NID2: variants seen among roughly 807,000 people sequenced by gnomAD.
NID2 encodes nidogen 2, also known as nidogen-2.
NID2 carries 83 observed loss-of-function variants against 145.4 expected under a neutral mutation model. That is an observed-to-expected ratio of 0.57 (90% CI 0.48 to 0.69). The LOEUF is 0.69. Among genes scored for constraint, NID2 ranks in the 30% least tolerant of loss-of-function variants. The pLI, the probability that NID2 is intolerant of heterozygous loss-of-function variation, is 0.00. For missense variants in NID2, 1,807 were observed against 1,765.7 expected (o/e 1.02, Z -0.42); for synonymous variants, 739 against 701.3 (o/e 1.05, Z -0.85).
chr14:52,068,173 G>A lies in NID2; in HGVS notation c.229-10C>T. 2 of 1,612,118 alleles carry A rather than the reference G, an allele frequency of 1.2e-6. No individual in the cohort carries two copies. Among genetic ancestry groups the A allele is most frequent in the Non-Finnish European group, 1.7e-6 (2 of 1,179,392 alleles). ...TGCCGTTGGTGCCCACCTGGGAGAG[G>A]AGAGGGACAAAAAGGTGACAGTCGC... On this transcript the variant is annotated splice_polypyrimidine_tract_variant and intron_variant, in intron 1 of 21. Transcript: ENST00000216286.
intron 5 of NID2, among the ~76,000 whole-genome samples, chr14:52,045,244 A>G (rs74049380): frequency 0.044 from 6,752 of 152,290 alleles, 180 homozygotes; most frequent in Middle Eastern, 0.078. Flanking sequence ...GTTGAAAAAC[A>G]GCACAGGTAA....
Position 52,015,358 on chromosome 14 carries a change from T to C in NID2, c.3029-83A>G, listed in dbSNP as rs1463914760. On this transcript the variant is annotated intron_variant, in intron 14 of 21. Coordinates refer to ENST00000216286, the MANE Select transcript of NID2 (RefSeq NM_007361.4). ...ATGCAAAATGTAGCTCAAGACCCCA[T>C]GCCTGGCCTCCTGGCCTTCCTTCTC... is the stretch of plus-strand genomic sequence containing the variant. 4 of 1,324,008 alleles carry C rather than the reference T, an allele frequency of 3.0e-6. No individual in the cohort carries two copies. The African/African-American group carries it at 5.9e-5, about 19-fold the overall frequency. 82.0% of individuals were successfully genotyped at this position (1,324,008 alleles called of 1,614,324 possible). A position where few individuals can be genotyped will look rare whatever the true frequency, so the allele number is the denominator to read the frequency against.
chr14:52,037,537 C>T (rs150571729), intron 9 of NID2, among the ~76,000 whole-genome samples: 5 of 152,266 alleles, frequency 3.3e-5, no homozygotes, highest in East Asian at 1.9e-4. Flanking sequence ...TGTATCCTTA[C>T]GCCAGGACCA....
chr14:52,039,633 T>A (rs980226527), intron 8 of NID2, among the ~76,000 whole-genome samples: 7 of 152,122 alleles, frequency 4.6e-5, no homozygotes, highest in Non-Finnish European at 8.8e-5. Flanking sequence ...GCTCTCAGCA[T>A]AGGAGCAGCA....
At position 52,053,586 on chromosome 14, in the gene NID2, G is replaced by A. The variant is rs1386608302; in HGVS notation, c.1422C>T (p.Asn474=). Residue 474 remains asparagine, a synonymous_variant, in exon 5 of 22, where the codon AAC becomes AAT. Transcript: ENST00000216286. ...GTTTTCTAATGCACTCACCCTCGGT[G>A]TTGGAACCTATGTTGTCTTCCAGTC... ...EVGLEDNIGS[N]TEVFTYNAAN... The A allele has an allele frequency of 1.2e-6, 2 of 1,613,122 alleles. No homozygotes were observed.
Position 52,014,155 on chromosome 14 carries a change from C to T in NID2, c.3420+132G>A, listed in dbSNP as rs545302965. 4.1e-5 allele frequency: 48 copies of T among 1,166,404 alleles called. No individual in the cohort carries two copies. The East Asian group carries it at 1.1e-3, about 27-fold the overall frequency. The allele number at this position is 1,166,404 out of a possible 1,614,324, so 72.3% of individuals were successfully genotyped here. A position where few individuals can be genotyped will look rare whatever the true frequency, so the allele number is the denominator to read the frequency against. On this transcript the variant is annotated intron_variant, in intron 16 of 21. Transcript: ENST00000216286. ...CTATGGTGGTGGCATCGGGCCCATG[C>T]CGATGGGCTGCAGCTCAGAAACCCT... is the stretch of plus-strand genomic sequence containing the variant.
intron 9 of NID2, among the ~76,000 whole-genome samples, chr14:52,034,665 T>C (rs1192696518): frequency 6.6e-6 from 1 of 152,216 alleles, no homozygotes; most frequent in Non-Finnish European, 1.5e-5. Context: ...CACTTCTTTA[T>C]TGAGCCTGCT....
chr14:52,014,565 T>A, intron 15 of NID2, 109 bp from the exon 16 acceptor site: 1 of 1,160,286 alleles, frequency 8.6e-7, no homozygotes, highest in Non-Finnish European at 1.2e-6. Context: ...TCAAAAGTTC[T>A]TCGCCCTACG....
intron 5 of NID2, among the ~76,000 whole-genome samples, chr14:52,045,377 C>A (rs1892450952): frequency 6.6e-6 from 1 of 152,030 alleles, no homozygotes; most frequent in African/African-American, 2.4e-5. Context: ...AGTGGAAAAT[C>A]TGATTAGAAC....
chr14:52,053,495 C>G (rs1418258263), intron 5 of NID2, 84 bp downstream of exon 5: 1 of 1,418,070 alleles, frequency 7.1e-7, no homozygotes, highest in Non-Finnish European at 9.6e-7. Flanking sequence ...TTTCACCTAC[C>G]CACTTAAGAG....
chr14:52,061,162 C>A (rs751835491), intron 2 of NID2, among the ~76,000 whole-genome samples: 2 of 152,190 alleles, frequency 1.3e-5, no homozygotes, highest in Non-Finnish European at 2.9e-5. Flanking sequence ...TGTACCATGT[C>A]CTTGGATGCT....
At chr14:52,015,006 A>C in intron 15 of NID2, 48 bp downstream of exon 15, 4 of 1,458,238 alleles carry the variant, frequency 2.7e-6, no homozygotes, top group Non-Finnish European at 2.8e-6. Flanking sequence ...CATCCCTAGC[A>C]AAGGCCTTAG....
At chr14:52,006,921 CAT>C in intron 19 of NID2, 1 of 270,802 alleles carries the variant, frequency 3.7e-6, no homozygotes, top group Middle Eastern at 1.2e-3. Flanking sequence ...GGGCATTAAA[CAT>C]AATTATTTTT....
chr14:52,041,320 C>T (rs897161327), intron 7 of NID2, among the ~76,000 whole-genome samples: 6 of 152,214 alleles, frequency 3.9e-5, no homozygotes, highest in African/African-American at 1.2e-4. Flanking sequence ...TCCAGGTGTG[C>T]CATTTTTTAT....
chr14:52,060,840 G>A (rs1352537268), intron 2 of NID2, among the ~76,000 whole-genome samples: 1 of 152,156 alleles, frequency 6.6e-6, no homozygotes, highest in Admixed American at 6.6e-5. Flanking sequence ...CACTGTGTTA[G>A]GCACTAGTTG....
At chr14:52,011,859 T>C in intron 16 of NID2, 176 bp from the exon 17 acceptor site, 2 of 698,982 alleles carry the variant, frequency 2.9e-6, no homozygotes, top group Non-Finnish European at 2.4e-6. Flanking sequence ...CTCAGCCACT[T>C]AGTAGCCATG....
intron 3 of NID2, among the ~76,000 whole-genome samples, chr14:52,056,842 A>G (rs191612192): frequency 4.5e-4 from 68 of 152,270 alleles, no homozygotes; most frequent in Non-Finnish European, 7.8e-4. Context: ...CATCATAAAT[A>G]CTTATTAACT....
intron 9 of NID2, among the ~76,000 whole-genome samples, chr14:52,034,436 A>C (rs1891984862): frequency 6.6e-6 from 1 of 152,186 alleles, no homozygotes; most frequent in Non-Finnish European, 1.5e-5. Context: ...CTACTACAGC[A>C]ATCTTTCCCT....
At chr14:52,036,845 T>C (rs189540923) in intron 9 of NID2, among the ~76,000 whole-genome samples, 7 of 128,044 alleles carry the variant, frequency 5.5e-5, no homozygotes, top group Admixed American at 1.7e-4. Flanking sequence ...ATCTTTTAGT[T>C]AGCTTGTTTT....
Sources: allele counts gnomAD v4.1 joint callset (sites outside exome capture counted in the v4.1 genomes callset), GRCh38; gene constraint gnomAD v4.1.1; transcripts MANE v1.5; gene names NCBI Gene and HGNC (gene_info 2026-07-23, HGNC 2026-07-21).